CCSER1: variants seen among roughly 807,000 people sequenced by gnomAD.
CCSER1 encodes the protein coiled-coil serine rich protein 1.
CCSER1 carries 41 observed loss-of-function variants against 82.0 expected under a neutral mutation model. That is an observed-to-expected ratio of 0.50 (90% CI 0.39 to 0.65). CCSER1 has a LOEUF of 0.65. CCSER1 is among the 30% of genes least tolerant of loss of function. The pLI is 0.00. For synonymous variants in CCSER1, 414 were observed against 383.9 expected (o/e 1.08, Z -0.92); for missense variants, 1,119 against 1,064.2 (o/e 1.05, Z -0.72).
chr4:91,142,074 T>A (rs915659507), intron 10 of CCSER1, among the ~76,000 whole-genome samples: 3 of 152,128 alleles, frequency 2.0e-5, no homozygotes, highest in African/African-American at 7.2e-5. Context: ...CCCTGTGATA[T>A]GGTTTTGTTG....
At chr4:90,436,987 AT>A (rs1442822504) in intron 4 of CCSER1, among the ~76,000 whole-genome samples, 1 of 151,618 alleles carries the variant, frequency 6.6e-6, no homozygotes, top group Non-Finnish European at 1.5e-5. Context: ...CGCCTGGCTA[AT>A]TTTTTTGTAT....
intron 7 of CCSER1, among the ~76,000 whole-genome samples, chr4:90,739,367 C>T (rs988142835): frequency 1.3e-4 from 20 of 152,116 alleles, no homozygotes; most frequent in South Asian, 4.1e-4. Flanking sequence ...CTTTACTTTC[C>T]CCCTCCTCTC....
At chr4:90,147,889 G>A (rs985612805) in intron 1 of CCSER1, among the ~76,000 whole-genome samples, 5 of 152,138 alleles carry the variant, frequency 3.3e-5, no homozygotes, top group African/African-American at 1.2e-4. Flanking sequence ...AAAAGGCCGG[G>A]CATGGTGGCT....
At chr4:91,181,739 A>G (rs1305900485) in intron 10 of CCSER1, among the ~76,000 whole-genome samples, 1 of 152,192 alleles carries the variant, frequency 6.6e-6, no homozygotes, top group East Asian at 1.9e-4. Flanking sequence ...CTGCAATGCG[A>G]TCTTCCTAAA....
intron 10 of CCSER1, among the ~76,000 whole-genome samples, chr4:91,278,949 G>A (rs1742689246): frequency 1.3e-5 from 2 of 152,036 alleles, no homozygotes; most frequent in African/African-American, 4.8e-5. Context: ...TGTATGACCA[G>A]TCTAGTGGTT....
chr4:90,539,862 T>A (rs931085104), intron 5 of CCSER1, among the ~76,000 whole-genome samples: 1 of 152,106 alleles, frequency 6.6e-6, no homozygotes, highest in African/African-American at 2.4e-5. Flanking sequence ...TCACTTTTTG[T>A]GTAGAGGTCA....
At chr4:90,719,706 G>C (rs1348539938) in intron 6 of CCSER1, among the ~76,000 whole-genome samples, 1 of 152,092 alleles carries the variant, frequency 6.6e-6, no homozygotes, top group Non-Finnish European at 1.5e-5. Context: ...TAGATGTGAA[G>C]GATCCCTCTC....
At chr4:91,072,526 G>C (rs146203452) in intron 9 of CCSER1, among the ~76,000 whole-genome samples, 132 of 152,088 alleles carry the variant, frequency 8.7e-4, no homozygotes, top group African/African-American at 3.2e-3. Context: ...CTGGAATTAG[G>C]CTTACTCATT....
At chr4:90,871,343 G>C (rs542762758) in intron 8 of CCSER1, among the ~76,000 whole-genome samples, 69 of 151,734 alleles carry the variant, frequency 4.5e-4, no homozygotes, top group Non-Finnish European at 8.6e-4. Flanking sequence ...TTCTTGCGCT[G>C]TATCCCATAG....
chr4:91,565,790 G>T (rs1009859156), intron 10 of CCSER1, among the ~76,000 whole-genome samples: 1 of 152,056 alleles, frequency 6.6e-6, no homozygotes, highest in Non-Finnish European at 1.5e-5. Context: ...TGCTGGAGCA[G>T]CTATTGGGCT....
At chr4:90,811,967 C>T (rs28729514) in intron 7 of CCSER1, among the ~76,000 whole-genome samples, 6 of 77,544 alleles carry the variant, frequency 7.7e-5, no homozygotes, top group Admixed American at 2.6e-4. Flanking sequence ...CATATATATA[C>T]ACATATATAT....
intron 9 of CCSER1, among the ~76,000 whole-genome samples, chr4:91,036,442 G>A (rs896221415): frequency 6.6e-6 from 1 of 152,028 alleles, no homozygotes; most frequent in Admixed American, 6.6e-5. Context: ...TGTGTCCAAA[G>A]TAGAACTCCA....
intron 7 of CCSER1, among the ~76,000 whole-genome samples, chr4:90,813,571 T>G (rs1346896309): frequency 6.6e-6 from 1 of 152,154 alleles, no homozygotes; most frequent in East Asian, 1.9e-4. Flanking sequence ...TCCTATGCTA[T>G]TCTCGTGATT....
At chr4:90,923,874 T>A (rs1728727322) in intron 9 of CCSER1, among the ~76,000 whole-genome samples, 1 of 152,226 alleles carries the variant, frequency 6.6e-6, no homozygotes, top group African/African-American at 2.4e-5. Context: ...AAGAAAAATT[T>A]AAAATAATGT....
At chr4:91,295,607 CAT>C (rs1356444775) in intron 10 of CCSER1, among the ~76,000 whole-genome samples, 3 of 151,678 alleles carry the variant, frequency 2.0e-5, no homozygotes, top group East Asian at 1.9e-4. Flanking sequence ...TTTTAGAAAA[CAT>C]AGAAATCTGA....
chr4:90,857,882 G>T (rs142744830), intron 8 of CCSER1, among the ~76,000 whole-genome samples: 2 of 152,166 alleles, frequency 1.3e-5, no homozygotes, highest in Admixed American at 1.3e-4. Flanking sequence ...GTAGATTGCA[G>T]CTGCTCTTGC....
At position 91,035,288 on chromosome 4, in the gene CCSER1, A is replaced by C. The variant is rs541025341; in HGVS notation, c.2173-50662A>C. On this transcript the variant is annotated intron_variant, in intron 9 of 10. Transcript: ENST00000509176. ...TCCCCCAAAATATTATGGGAGTCACATACAAGAAAGAAAAGATGAATTGGT... is the reference window on the plus strand; with the variant it reads ...TCCCCCAAAATATTATGGGAGTCACCTACAAGAAAGAAAAGATGAATTGGT... Among the ~76,000 whole-genome samples, 21 of 152,292 alleles carry C rather than the reference A, an allele frequency of 1.4e-4. No homozygotes were observed. The East Asian group carries it at 3.7e-3, about 27-fold the overall frequency.
intron 5 of CCSER1, among the ~76,000 whole-genome samples, chr4:90,563,357 G>A (rs1029773184): frequency 4.7e-5 from 7 of 150,196 alleles, no homozygotes; most frequent in Middle Eastern, 3.2e-3. Context: ...TGATTTGCCC[G>A]CCTCAGGCTC....
intron 4 of CCSER1, among the ~76,000 whole-genome samples, chr4:90,443,251 T>C (rs1232010845): frequency 6.6e-6 from 1 of 152,138 alleles, no homozygotes; most frequent in Non-Finnish European, 1.5e-5. Context: ...AGGGAGCACT[T>C]TACAGCTTCT....
Sources: gnomAD v4.1 joint callset for allele counts (sites outside exome capture counted in the v4.1 genomes callset) on GRCh38, gnomAD v4.1.1 for gene constraint, MANE v1.5 for transcripts, NCBI Gene and HGNC (gene_info 2026-07-23, HGNC 2026-07-21) for gene names.